The following RAB3C variants were observed in gnomAD, a reference collection of about 807,000 sequenced individuals.
RAB3C encodes ras-related protein Rab-3C.
In RAB3C, 17 loss-of-function variants were observed where a neutral mutation model predicts 26.4. The ratio of observed to expected loss-of-function variants is 0.64; its 90% CI spans 0.44 to 0.97. RAB3C has a LOEUF of 0.97. Among genes scored for constraint, RAB3C ranks in the 50% least tolerant of loss-of-function variants. RAB3C has a pLI of 0.00. For synonymous variants in RAB3C, 91 were observed against 95.9 expected (o/e 0.95, Z 0.30); for missense variants, 242 against 281.9 (o/e 0.86, Z 1.01).
At chr5:58,685,260 G>A (rs1252723254) in intron 2 of RAB3C, among the ~76,000 whole-genome samples, 1 of 152,034 alleles carries the variant, frequency 6.6e-6, no homozygotes, top group Non-Finnish European at 1.5e-5. Context: ...ATGTTCTTGG[G>A]GTTAGATGTC....
chr5:58,613,729 T>G (rs1267687565), intron 1 of RAB3C, among the ~76,000 whole-genome samples: 1 of 152,076 alleles, frequency 6.6e-6, no homozygotes, highest in Non-Finnish European at 1.5e-5. Context: ...TAGGTAAATA[T>G]CTAGAATATT....
rs1315219930 is a variant in RAB3C, at chr5:58,773,777, C to T, written c.371+47657C>T. Among the ~76,000 whole-genome samples the T allele has an allele frequency of 2.0e-5, 3 of 152,034 alleles. No homozygotes were observed. In the East Asian group the frequency reaches 5.8e-4, roughly 29 times the overall value. ...GGGCTGATCAGTTGATCCCATCACT[C>T]CCTAGTCCCCCTACAACATCCTCTT... is the stretch of plus-strand genomic sequence containing the variant. On this transcript the variant is annotated intron_variant, in intron 3 of 4. Transcript: ENST00000282878.
intron 3 of RAB3C, among the ~76,000 whole-genome samples, chr5:58,786,606 T>A (rs1366682433): frequency 6.6e-6 from 1 of 152,094 alleles, no homozygotes; most frequent in Non-Finnish European, 1.5e-5. Context: ...TTATCCCAAA[T>A]GTTTGAGCTT....
intron 2 of RAB3C, among the ~76,000 whole-genome samples, chr5:58,693,971 T>G (rs1001174307): frequency 6.6e-6 from 1 of 152,302 alleles, no homozygotes; most frequent in East Asian, 1.9e-4. Context: ...CTAGGGTACA[T>G]GTGCACAACA....
chr5:58,764,339 A>G lies in RAB3C; in HGVS notation c.371+38219A>G, dbSNP rs150196383. On this transcript the variant is annotated intron_variant, in intron 3 of 4. Coordinates refer to ENST00000282878, the MANE Select transcript of RAB3C (RefSeq NM_138453.4). The stretch of plus-strand genomic sequence containing the variant: ...GCATGACGATGTACTCAGCTGGGCC[A>G]AGACATTTAGAAAGCAGTATGAACA... Among the ~76,000 whole-genome samples, 151 of 152,330 alleles carry G rather than the reference A, an allele frequency of 9.9e-4. 2 individuals carry two copies. In the East Asian group the frequency reaches 0.025, roughly 25 times the overall value.
intron 2 of RAB3C, among the ~76,000 whole-genome samples, chr5:58,685,391 C>G (rs1266738629): frequency 1.3e-5 from 2 of 152,124 alleles, no homozygotes; most frequent in Non-Finnish European, 2.9e-5. Flanking sequence ...CCTCCATCTT[C>G]AAACCCAGAA....
intron 3 of RAB3C, among the ~76,000 whole-genome samples, chr5:58,786,196 A>G (rs1264158383): frequency 6.6e-6 from 1 of 152,238 alleles, no homozygotes; most frequent in African/African-American, 2.4e-5. Flanking sequence ...GAGAGCAGTA[A>G]ACACAGTTTC....
At chr5:58,833,324 T>TCTCACACACACA (rs1554021454) in intron 4 of RAB3C, among the ~76,000 whole-genome samples, 54 of 141,154 alleles carry the variant, frequency 3.8e-4, no homozygotes, top group African/African-American at 1.4e-3. Context: ...ACGGACCCCA[T>TCTCACACACACA]CACACACACA....
Position 58,655,882 on chromosome 5 carries a change from G to A in RAB3C, c.252+38012G>A, listed in dbSNP as rs1747760347. On this transcript the variant is annotated intron_variant, in intron 2 of 4. Coordinates refer to ENST00000282878, the MANE Select transcript of RAB3C (RefSeq NM_138453.4). ...GCAGTCTCGGCTCACTGCAAGCTCC[G>A]CCTCCCGGGTTCACGCCTTTCTCCT... 5.2e-5 allele frequency among the ~76,000 whole-genome samples: 7 copies of A among 134,324 alleles called. No individual in the cohort carries two copies. The South Asian group carries it at 1.5e-3, about 28-fold the overall frequency. 88.1% of individuals were successfully genotyped at this position (134,324 alleles called of 152,430 possible). A position where few individuals can be genotyped will look rare whatever the true frequency, so the allele number is the denominator to read the frequency against.
At chr5:58,799,020 T>TG (rs775336388) in intron 3 of RAB3C, among the ~76,000 whole-genome samples, 1 of 152,166 alleles carries the variant, frequency 6.6e-6, no homozygotes, top group Non-Finnish European at 1.5e-5. Flanking sequence ...AACTGGATCC[T>TG]GGGGGGAAGA....
intron 3 of RAB3C, among the ~76,000 whole-genome samples, chr5:58,772,088 C>T (rs984292971): frequency 6.6e-6 from 1 of 152,140 alleles, no homozygotes; most frequent in Non-Finnish European, 1.5e-5. Flanking sequence ...GGTATCCATA[C>T]ACTTCTATAG....
chr5:58,691,173 C>T (rs1173875025), intron 2 of RAB3C, among the ~76,000 whole-genome samples: 4 of 152,106 alleles, frequency 2.6e-5, no homozygotes, highest in Non-Finnish European at 4.4e-5. Context: ...CCACAGTGCA[C>T]CTACATCAGA....
chr5:58,687,031 G>A (rs1251714207), intron 2 of RAB3C, among the ~76,000 whole-genome samples: 1 of 152,048 alleles, frequency 6.6e-6, no homozygotes, highest in African/African-American at 2.4e-5. Flanking sequence ...TAGAGCTCAA[G>A]GACTTTTTCC....
At chr5:58,745,364 C>A (rs1741377057) in intron 3 of RAB3C, among the ~76,000 whole-genome samples, 1 of 139,434 alleles carries the variant, frequency 7.2e-6, no homozygotes, top group Admixed American at 8.0e-5. Context: ...CCACTGCACT[C>A]CAGCCTGGGC....
intron 2 of RAB3C, among the ~76,000 whole-genome samples, chr5:58,714,275 C>T (rs1024834346): frequency 3.3e-5 from 5 of 152,114 alleles, no homozygotes; most frequent in African/African-American, 1.2e-4. Flanking sequence ...ATTAGATTTA[C>T]AGCAGACTTT....
intron 3 of RAB3C, among the ~76,000 whole-genome samples, chr5:58,763,990 A>T (rs1741846869): frequency 6.6e-6 from 1 of 152,212 alleles, no homozygotes; most frequent in South Asian, 2.1e-4. Flanking sequence ...GAAGGTTATC[A>T]TGTTCTTCTC....
chr5:58,604,719 G>A (rs148627844), intron 1 of RAB3C, among the ~76,000 whole-genome samples: 35 of 152,274 alleles, frequency 2.3e-4, no homozygotes, highest in African/African-American at 7.5e-4. Flanking sequence ...AAACTTGCCC[G>A]AGGCTGTCTG....
At chr5:58,797,226 A>G (rs937249676) in intron 3 of RAB3C, among the ~76,000 whole-genome samples, 38 of 151,304 alleles carry the variant, frequency 2.5e-4, no homozygotes, top group Non-Finnish European at 4.7e-4. Context: ...AGTTTTTTGG[A>G]TACATAAATA....
At chr5:58,610,194 C>CTGTGTG (rs1168785442) in intron 1 of RAB3C, among the ~76,000 whole-genome samples, 18,998 of 143,384 alleles carry the variant, frequency 0.13, 1,349 homozygotes, top group South Asian at 0.2. Flanking sequence ...TTTTGTTTTT[C>CTGTGTG]TGTGTGTGTG....
Sources: gnomAD v4.1 joint callset for allele counts (sites outside exome capture counted in the v4.1 genomes callset) on GRCh38, gnomAD v4.1.1 for gene constraint, MANE v1.5 for transcripts, NCBI Gene and HGNC (gene_info 2026-07-23, HGNC 2026-07-21) for gene names.